Variants in MYL1 observed in about 807,000 individuals in gnomAD.
The protein encoded by MYL1 is myosin light chain 1.
MYL1 carries 16 observed loss-of-function variants against 21.8 expected under a neutral mutation model. The observed-to-expected ratio is 0.74, with a 90% CI of 0.50 to 1.12. The LOEUF (loss-of-function observed/expected upper bound fraction) is 1.12, where lower values mean the gene tolerates loss of function less well. Ranked by LOEUF, MYL1 falls within the 50% of genes most tolerant of loss-of-function variation. The probability of loss-of-function intolerance (pLI) is 0.00; values close to 1 mark genes in which losing one functional copy is unlikely to be tolerated. For synonymous variants in MYL1, 99 were observed against 85.2 expected, an observed-to-expected ratio of 1.16 and a Z score of -0.89; for missense variants, 246 against 241.0, an observed-to-expected ratio of 1.02 and a Z score of -0.14.
At chr2:210,306,325 G>A (rs1374093431) in intron 1 of MYL1, among the ~76,000 whole-genome samples, 1 of 149,990 alleles carries the variant, frequency 6.7e-6, no homozygotes, top group Non-Finnish European at 1.5e-5. Flanking sequence ...AGGTTGCAGT[G>A]AGCTGAGATC....
intron 1 of MYL1, among the ~76,000 whole-genome samples, chr2:210,306,293 A>C (rs529587447): frequency 6.6e-6 from 1 of 151,786 alleles, no homozygotes; most frequent in East Asian, 2.0e-4. Context: ...AGGCAAGAGA[A>C]TCACTTGAAT....
intron 5 of MYL1, among the ~76,000 whole-genome samples, chr2:210,291,848 CTCATT>C (rs1690080480): frequency 2.0e-5 from 3 of 152,092 alleles, no homozygotes; most frequent in Admixed American, 2.0e-4. Flanking sequence ...ATATGGTCAT[CTCATT>C]TGAGTGAAAG....
intron 3 of MYL1, among the ~76,000 whole-genome samples, chr2:210,296,158 C>T (rs1690171713): frequency 6.6e-6 from 1 of 152,044 alleles, no homozygotes; most frequent in South Asian, 2.1e-4. Flanking sequence ...AAATTATTTT[C>T]GATTGACACA....
At chr2:210,296,536 A>G (rs1020031921) in intron 3 of MYL1, among the ~76,000 whole-genome samples, 1 of 152,204 alleles carries the variant, frequency 6.6e-6, no homozygotes, top group Non-Finnish European at 1.5e-5. Context: ...TTATAAACCC[A>G]GCACTTTGGG....
At position 210,290,359 on chromosome 2, in the gene MYL1, A is replaced by G. The variant is rs555243761; in HGVS notation, c.*123T>C. The G allele has an allele frequency of 6.6e-6, 1 of 152,306 alleles. No individual in the cohort carries two copies. The highest frequency in any genetic ancestry group is 2.4e-5 in the African/African-American group (1 of 41,566). 9.4% of individuals were successfully genotyped at this position (152,306 alleles called of 1,614,324 possible). ...AATTCAGGGAGTTGCTCAGTCTTGAACCGTCCAGATTGCTTTGTTTTCCTG... is the reference window on the plus strand; with the variant it reads ...AATTCAGGGAGTTGCTCAGTCTTGAGCCGTCCAGATTGCTTTGTTTTCCTG... On this transcript the variant is annotated 3_prime_UTR_variant, in exon 7 of 7. Transcript: ENST00000352451.
At chr2:210,296,864 T>C (rs1690181057) in intron 3 of MYL1, among the ~76,000 whole-genome samples, 1 of 152,056 alleles carries the variant, frequency 6.6e-6, no homozygotes, top group South Asian at 2.1e-4. Flanking sequence ...AGATTCTACA[T>C]ATGAGTGAGA....
intron 1 of MYL1, among the ~76,000 whole-genome samples, chr2:210,304,008 G>A (rs1030463931): frequency 8.5e-5 from 13 of 152,130 alleles, no homozygotes; most frequent in Admixed American, 6.5e-4. Context: ...GCAAGTTTTT[G>A]GATGGGACTG....
At chr2:210,308,779 T>C (rs1328461943) in intron 1 of MYL1, among the ~76,000 whole-genome samples, 1 of 152,016 alleles carries the variant, frequency 6.6e-6, no homozygotes, top group Non-Finnish European at 1.5e-5. Context: ...GTAAAGAAAT[T>C]TAAAGTTTCT....
chr2:210,303,061 A>G (rs1440090346), intron 1 of MYL1: 7 of 483,062 alleles, frequency 1.4e-5, no homozygotes, highest in Non-Finnish European at 2.6e-5. Flanking sequence ...TATTTAAGAT[A>G]TGTCTAATAA....
chr2:210,296,090 G>A (rs1490851233), intron 3 of MYL1, among the ~76,000 whole-genome samples: 1 of 151,988 alleles, frequency 6.6e-6, no homozygotes, highest in Non-Finnish European at 1.5e-5. Context: ...TTTCCTAATG[G>A]CAAAGATAAA....
At chr2:210,297,018 C>CAT (rs35761433) in intron 3 of MYL1, among the ~76,000 whole-genome samples, 49,942 of 133,992 alleles carry the variant, frequency 0.37, 8,755 homozygotes, top group Middle Eastern at 0.52. Context: ...TGTGTGTGTA[C>CAT]ATATATATAT....
chr2:210,300,600 A>G (rs1013341487), intron 2 of MYL1, among the ~76,000 whole-genome samples: 7 of 152,178 alleles, frequency 4.6e-5, no homozygotes, highest in Non-Finnish European at 4.4e-5. Flanking sequence ...CTTTTTGGTA[A>G]TAATGGAATT....
At chr2:210,292,197 T>C (rs1179841666) in intron 5 of MYL1, among the ~76,000 whole-genome samples, 3 of 152,124 alleles carry the variant, frequency 2.0e-5, no homozygotes, top group Non-Finnish European at 4.4e-5. Flanking sequence ...GCCTTCTGAG[T>C]AGCTGGGACT....
At chr2:210,302,604 T>C in intron 1 of MYL1, 89 bp from the exon 2 acceptor site, 1 of 1,520,912 alleles carries the variant, frequency 6.6e-7, no homozygotes, top group African/African-American at 1.4e-5. Flanking sequence ...CCCTGAGTAA[T>C]CTTCAAAGTA....
At chr2:210,301,211 A>G (rs1018142651) in intron 2 of MYL1, among the ~76,000 whole-genome samples, 3 of 152,122 alleles carry the variant, frequency 2.0e-5, no homozygotes, top group Non-Finnish European at 4.4e-5. Context: ...AAAATCAAAC[A>G]AATTATGGTA....
intron 3 of MYL1, among the ~76,000 whole-genome samples, chr2:210,295,223 T>C (rs371688134): frequency 2.6e-5 from 4 of 152,302 alleles, no homozygotes; most frequent in East Asian, 3.9e-4. Context: ...CAATTTATAT[T>C]TTTACACTGA....
chr2:210,290,256 A>G lies in MYL1; in HGVS notation c.*226T>C, dbSNP rs1370371096. On this transcript the variant is annotated 3_prime_UTR_variant, in exon 7 of 7. Transcript: ENST00000352451. ...TTGGATTTGAGATTGTCAATATTTTATTCTTCTCATCTAGAGCAGCAGACA... is the reference window on the plus strand; with the variant it reads ...TTGGATTTGAGATTGTCAATATTTTGTTCTTCTCATCTAGAGCAGCAGACA... 6.6e-6 allele frequency: 1 copy of G among 152,134 alleles called. No individual in the cohort carries two copies. Among genetic ancestry groups the G allele is most frequent in the Non-Finnish European group, 1.5e-5 (1 of 68,020 alleles). The allele number at this position is 152,134 out of a possible 1,614,324, so 9.4% of individuals were successfully genotyped here.
intron 3 of MYL1, among the ~76,000 whole-genome samples, chr2:210,297,519 GT>G (rs34693879): frequency 0.13 from 18,463 of 141,390 alleles, 1,411 homozygotes; most frequent in African/African-American, 0.22. Context: ...TTATTCGTGG[GT>G]TTTTTTTTTT....
chr2:210,314,719 AC>A lies in MYL1; in HGVS notation c.132+191del, dbSNP rs551568769. On this transcript the variant is annotated intron_variant, in intron 1 of 6. Transcript: ENST00000352451. ...AGCAAGCACAGGCTTCACATATGAT[AC>A]CATACTCTAATAATTTTTGAAATTA... Among the ~76,000 whole-genome samples, 13 of 152,350 alleles carry A rather than the reference AC, an allele frequency of 8.5e-5. No individual in the cohort carries two copies. In the South Asian group the frequency reaches 2.7e-3, roughly 32 times the overall value.
Sources: gnomAD v4.1 joint callset for allele counts (sites outside exome capture counted in the v4.1 genomes callset) on GRCh38, gnomAD v4.1.1 for gene constraint, MANE v1.5 for transcripts, NCBI Gene and HGNC (gene_info 2026-07-23, HGNC 2026-07-21) for gene names.